SLC24A3: variants seen among roughly 807,000 people sequenced by gnomAD.
SLC24A3 encodes the protein sodium/potassium/calcium exchanger 3.
Under a neutral mutation model 75.8 loss-of-function variants are expected in SLC24A3, and 28 were observed. The observed-to-expected ratio is 0.37, with a 90% CI of 0.27 to 0.51. The LOEUF is 0.51. SLC24A3 is among the 20% of genes least tolerant of loss of function. The pLI, the probability that SLC24A3 is intolerant of heterozygous loss-of-function variation, is 0.94. For synonymous variants in SLC24A3, 372 were observed against 334.1 expected, an observed-to-expected ratio of 1.11 and a Z score of -1.24; for missense variants, 663 against 847.8, an observed-to-expected ratio of 0.78 and a Z score of 2.71.
chr20:19,565,912 T>C (rs1174005428), intron 3 of SLC24A3, among the ~76,000 whole-genome samples: 2 of 152,136 alleles, frequency 1.3e-5, no homozygotes, highest in Non-Finnish European at 2.9e-5. Context: ...AAACATAAGT[T>C]TACTCATCTG....
At chr20:19,225,939 A>C (rs866924283) in intron 1 of SLC24A3, among the ~76,000 whole-genome samples, 2 of 152,170 alleles carry the variant, frequency 1.3e-5, no homozygotes, top group Middle Eastern at 3.2e-3. Flanking sequence ...GACTTATTAC[A>C]GTGGCTAAGA....
At chr20:19,488,760 C>G (rs538165029) in intron 2 of SLC24A3, among the ~76,000 whole-genome samples, 1 of 152,214 alleles carries the variant, frequency 6.6e-6, no homozygotes, top group South Asian at 2.1e-4. Flanking sequence ...AATCTAAATA[C>G]AAAATTTAAT....
At chr20:19,508,505 T>C (rs551516196) in intron 2 of SLC24A3, among the ~76,000 whole-genome samples, 2 of 152,332 alleles carry the variant, frequency 1.3e-5, no homozygotes, top group South Asian at 4.1e-4. Flanking sequence ...CTGCTGCATT[T>C]TTTTTCAAGC....
At chr20:19,716,352 ATAT>A (rs1429718436) in intron 15 of SLC24A3, among the ~76,000 whole-genome samples, 4 of 151,646 alleles carry the variant, frequency 2.6e-5, no homozygotes, top group Admixed American at 2.0e-4. Flanking sequence ...GCTCTGCTTG[ATAT>A]TATAGCCACA....
intron 6 of SLC24A3, among the ~76,000 whole-genome samples, chr20:19,653,063 A>G (rs2032225799): frequency 6.6e-6 from 1 of 152,194 alleles, no homozygotes; most frequent in Non-Finnish European, 1.5e-5. Context: ...GCCAAAGTGG[A>G]CCTACACTGT....
At chr20:19,269,653 A>G (rs1336902213) in intron 1 of SLC24A3, among the ~76,000 whole-genome samples, 1 of 152,156 alleles carries the variant, frequency 6.6e-6, no homozygotes, top group Non-Finnish European at 1.5e-5. Flanking sequence ...ACAAACACCT[A>G]TACAGGTTGA....
intron 6 of SLC24A3, among the ~76,000 whole-genome samples, chr20:19,607,496 A>G (rs1262147759): frequency 6.6e-6 from 1 of 152,174 alleles, no homozygotes; most frequent in Non-Finnish European, 1.5e-5. Context: ...TTGGGGGTCT[A>G]AGCTATGAAC....
intron 2 of SLC24A3, among the ~76,000 whole-genome samples, chr20:19,496,541 T>A (rs916074113): frequency 1.3e-4 from 20 of 152,204 alleles, no homozygotes; most frequent in African/African-American, 4.8e-4. Context: ...ATCAAGAGAA[T>A]GTTTGTGGAA....
At chr20:19,433,110 C>T (rs1318538914) in intron 2 of SLC24A3, among the ~76,000 whole-genome samples, 1 of 152,166 alleles carries the variant, frequency 6.6e-6, no homozygotes, top group African/African-American at 2.4e-5. Flanking sequence ...GGAAGTTCTC[C>T]TCACTCAGGA....
At chr20:19,432,271 TTTATATATATATATATATATAAGA>T (rs1294972388) in intron 2 of SLC24A3, among the ~76,000 whole-genome samples, 1 of 103,524 alleles carries the variant, frequency 9.7e-6, no homozygotes, top group East Asian at 1.1e-3. Context: ...ATATATCTGT[TTTATATATATATATATATATAAGA>T]TTATATATAT....
At chr20:19,300,920 CAG>C (rs1174129346) in intron 2 of SLC24A3, among the ~76,000 whole-genome samples, 3 of 152,092 alleles carry the variant, frequency 2.0e-5, no homozygotes, top group Non-Finnish European at 2.9e-5. Flanking sequence ...GATGAGATCA[CAG>C]TGGTGGTGGC....
chr20:19,228,644 CA>C (rs974718754), intron 1 of SLC24A3, among the ~76,000 whole-genome samples: 143 of 128,602 alleles, frequency 1.1e-3, no homozygotes, highest in African/African-American at 1.0e-3. Context: ...GACTCCGTCT[CA>C]AAAAAAAAAA....
At chr20:19,535,217 T>C (rs565550382) in intron 3 of SLC24A3, among the ~76,000 whole-genome samples, 3 of 152,370 alleles carry the variant, frequency 2.0e-5, no homozygotes, top group Admixed American at 6.5e-5. Flanking sequence ...TGCTACATTT[T>C]GGTAGCTTAA....
chr20:19,324,424 A>G (rs1984790821), intron 2 of SLC24A3, among the ~76,000 whole-genome samples: 1 of 152,232 alleles, frequency 6.6e-6, no homozygotes, highest in African/African-American at 2.4e-5. Flanking sequence ...GGCATTTATC[A>G]CAAGACATTT....
At chr20:19,497,210 G>T (rs1320573985) in intron 2 of SLC24A3, among the ~76,000 whole-genome samples, 1 of 152,176 alleles carries the variant, frequency 6.6e-6, no homozygotes, top group Non-Finnish European at 1.5e-5. Context: ...CTCATTCTTA[G>T]CCCATGACAA....
At chr20:19,563,480 G>C (rs1009121066) in intron 3 of SLC24A3, among the ~76,000 whole-genome samples, 1 of 151,624 alleles carries the variant, frequency 6.6e-6, no homozygotes, top group African/African-American at 2.4e-5. Context: ...GAATTAGTAA[G>C]AGGCTTATTT....
intron 1 of SLC24A3, among the ~76,000 whole-genome samples, chr20:19,253,655 C>A (rs1459207621): frequency 6.6e-6 from 1 of 152,226 alleles, no homozygotes; most frequent in Non-Finnish European, 1.5e-5. Flanking sequence ...CCCCCATCCT[C>A]ACAGGTTTCC....
chr20:19,663,825 T>G (rs1040385691), intron 7 of SLC24A3, among the ~76,000 whole-genome samples: 3 of 152,140 alleles, frequency 2.0e-5, no homozygotes, highest in African/African-American at 7.2e-5. Flanking sequence ...AAGCCCAATC[T>G]CATTTTTTCT....
intron 2 of SLC24A3, among the ~76,000 whole-genome samples, chr20:19,415,189 T>G (rs1489490328): frequency 6.6e-6 from 1 of 152,178 alleles, no homozygotes; most frequent in Non-Finnish European, 1.5e-5. Context: ...CCTGGTGGTG[T>G]TGAGAGTGGA....
Sources: allele counts gnomAD v4.1 joint callset (sites outside exome capture counted in the v4.1 genomes callset), GRCh38; gene constraint gnomAD v4.1.1; transcripts MANE v1.5; gene names NCBI Gene and HGNC (gene_info 2026-07-23, HGNC 2026-07-21).